Variants in CSMD1 observed in about 807,000 individuals in gnomAD.
CSMD1 encodes CUB and Sushi multiple domains 1, also known as CUB and sushi domain-containing protein 1.
A neutral mutation model predicts 417.5 loss-of-function variants in CSMD1; 213 were observed. The observed-to-expected ratio is 0.51, with a 90% CI of 0.46 to 0.57. CSMD1 has a LOEUF of 0.57. Among genes scored for constraint, CSMD1 ranks in the 20% least tolerant of loss-of-function variants. CSMD1 has a pLI of 0.00. For missense variants in CSMD1, 6,923 were observed against 4,529.7 expected (o/e 1.53, Z -15.17); for synonymous variants, 2,862 against 1,736.8 (o/e 1.65, Z -16.11).
chr8:3,599,682 T>G (rs1347776101), intron 8 of CSMD1, among the ~76,000 whole-genome samples: 1 of 152,202 alleles, frequency 6.6e-6, no homozygotes, highest in Admixed American at 6.5e-5. Flanking sequence ...TAACAACATC[T>G]CCATTTTCCT....
intron 10 of CSMD1, among the ~76,000 whole-genome samples, chr8:3,557,465 C>T (rs1360305808): frequency 6.6e-6 from 1 of 152,168 alleles, no homozygotes; most frequent in Non-Finnish European, 1.5e-5. Flanking sequence ...TAGACATAGG[C>T]TTCCTTGAAA....
At chr8:4,612,617 C>A (rs1384633673) in intron 2 of CSMD1, among the ~76,000 whole-genome samples, 1 of 152,160 alleles carries the variant, frequency 6.6e-6, no homozygotes, top group Non-Finnish European at 1.5e-5. Context: ...ACCATGAGGA[C>A]AAGGGTAAGG....
chr8:3,248,299 G>A (rs191566172), intron 26 of CSMD1, among the ~76,000 whole-genome samples: 1 of 104,596 alleles, frequency 9.6e-6, no homozygotes. Context: ...GACAGTACTG[G>A]CTTGCACCTG....
At chr8:4,677,494 T>C (rs563572873) in intron 1 of CSMD1, among the ~76,000 whole-genome samples, 1 of 152,184 alleles carries the variant, frequency 6.6e-6, no homozygotes, top group Non-Finnish European at 1.5e-5. Context: ...CATTTTTATA[T>C]GTTCAAGCCA....
At chr8:4,464,330 T>C (rs1800022841) in intron 2 of CSMD1, among the ~76,000 whole-genome samples, 1 of 152,178 alleles carries the variant, frequency 6.6e-6, no homozygotes, top group Non-Finnish European at 1.5e-5. Flanking sequence ...TACAGTGCGG[T>C]TATGTTCTAA....
intron 1 of CSMD1, among the ~76,000 whole-genome samples, chr8:4,727,976 T>TATGTATATATATACAAAATATATATAA: frequency 7.1e-6 from 1 of 140,170 alleles, no homozygotes; most frequent in Non-Finnish European, 1.5e-5. Flanking sequence ...AAAATATATA[T>TATGTATATATATACAAAATATATATAA]GTATATATAT....
intron 3 of CSMD1, among the ~76,000 whole-genome samples, chr8:4,295,783 TATATACAC>T (rs1253335525): frequency 2.0e-4 from 6 of 30,176 alleles, no homozygotes; most frequent in African/African-American, 5.7e-4. Flanking sequence ...TATATATATA[TATATACAC>T]ACACACATCT....
intron 2 of CSMD1, among the ~76,000 whole-genome samples, chr8:4,424,511 A>C (rs868305193): frequency 4.6e-5 from 7 of 152,040 alleles, no homozygotes; most frequent in African/African-American, 1.2e-4. Context: ...TATTTCAGCC[A>C]ATCAGAATAG....
At chr8:4,463,681 A>T (rs547973202) in intron 2 of CSMD1, among the ~76,000 whole-genome samples, 68 of 152,336 alleles carry the variant, frequency 4.5e-4, no homozygotes, top group Admixed American at 1.7e-3. Context: ...CACTTACATT[A>T]AATGTCCAGA....
At chr8:4,702,761 C>T (rs537507975) in intron 1 of CSMD1, among the ~76,000 whole-genome samples, 35 of 152,254 alleles carry the variant, frequency 2.3e-4, no homozygotes, top group African/African-American at 7.0e-4. Flanking sequence ...AAAGAAAGAG[C>T]ATCCTTTTGC....
intron 10 of CSMD1, among the ~76,000 whole-genome samples, chr8:3,547,096 G>A (rs923491888): frequency 2.0e-5 from 3 of 152,118 alleles, no homozygotes; most frequent in African/African-American, 7.2e-5. Flanking sequence ...CAATAACGTG[G>A]GCTACAGGTT....
intron 12 of CSMD1, among the ~76,000 whole-genome samples, chr8:3,456,138 C>T (rs1816113877): frequency 6.6e-6 from 1 of 152,174 alleles, no homozygotes; most frequent in Admixed American, 6.5e-5. Context: ...TCCTGGTGTG[C>T]CATTTGCTAA....
At chr8:4,656,722 C>G (rs1804256061) in intron 1 of CSMD1, among the ~76,000 whole-genome samples, 1 of 152,054 alleles carries the variant, frequency 6.6e-6, no homozygotes, top group South Asian at 2.1e-4. Flanking sequence ...ACACTCACTC[C>G]AGAACAGTGT....
intron 1 of CSMD1, among the ~76,000 whole-genome samples, chr8:4,761,901 AT>A (rs1272290546): frequency 1.5e-3 from 139 of 93,920 alleles, no homozygotes; most frequent in South Asian, 6.7e-3. Context: ...CTACCTATCT[AT>A]CTATCTATCA....
chr8:4,517,271 C>G (rs780042826), intron 2 of CSMD1, among the ~76,000 whole-genome samples: 58 of 152,244 alleles, frequency 3.8e-4, no homozygotes, highest in Middle Eastern at 3.4e-3. Context: ...TAATTTTAGA[C>G]TAACGTAGTG....
At position 4,259,690 on chromosome 8, in the gene CSMD1, T is replaced by C. The variant is rs565615854; in HGVS notation, c.415+160263A>G. ...GCAGTACTGGGTCCTGAAATTTCTA[T>C]TCATCATGTACACATTTCAATAATT... On this transcript the variant is annotated intron_variant, in intron 3 of 69. Transcript: ENST00000635120. 1.1e-3 allele frequency among the ~76,000 whole-genome samples: 165 copies of C among 152,294 alleles called. 2 individuals carry two copies. In the South Asian group the frequency reaches 0.02, roughly 18 times the overall value.
At chr8:3,627,927 C>A (rs1796575549) in intron 7 of CSMD1, among the ~76,000 whole-genome samples, 1 of 152,098 alleles carries the variant, frequency 6.6e-6, no homozygotes, top group Admixed American at 6.6e-5. Context: ...CATTCAGATA[C>A]CACAAGTTGA....
chr8:3,628,038 AT>A (rs1796582226), intron 7 of CSMD1, among the ~76,000 whole-genome samples: 1 of 152,202 alleles, frequency 6.6e-6, no homozygotes, highest in South Asian at 2.1e-4. Flanking sequence ...GCAATGTAAT[AT>A]AAAGCAGATT....
intron 1 of CSMD1, among the ~76,000 whole-genome samples, chr8:4,703,228 C>T (rs541932691): frequency 6.6e-6 from 1 of 152,112 alleles, no homozygotes; most frequent in Non-Finnish European, 1.5e-5. Flanking sequence ...ACAGTGTAAA[C>T]CAACGGTTCT....
Sources: gnomAD v4.1 joint callset for allele counts (sites outside exome capture counted in the v4.1 genomes callset) on GRCh38, gnomAD v4.1.1 for gene constraint, MANE v1.5 for transcripts, NCBI Gene and HGNC (gene_info 2026-07-23, HGNC 2026-07-21) for gene names.